Variants in UBXN11 observed in about 807,000 individuals in gnomAD.
The protein encoded by UBXN11 is UBX domain protein 11, also known as UBX domain-containing protein 11.
UBXN11 carries 47 observed loss-of-function variants against 62.8 expected under a neutral mutation model. The ratio of observed to expected loss-of-function variants is 0.75; its 90% CI spans 0.59 to 0.95. The LOEUF (loss-of-function observed/expected upper bound fraction) is 0.95. Ranked by LOEUF, UBXN11 falls within the 40% of genes least tolerant of loss-of-function variation. The pLI, the probability that UBXN11 is intolerant of heterozygous loss-of-function variation, is 0.00. For synonymous variants in UBXN11, 294 were observed against 267.0 expected, an observed-to-expected ratio of 1.10 and a Z score of -0.99; for missense variants, 638 against 661.7, an observed-to-expected ratio of 0.96 and a Z score of 0.39.
At chr1:26,311,420 A>G (rs547654721), upstream of UBXN11, among the ~76,000 whole-genome samples, 15 of 151,702 alleles carry the variant, frequency 9.9e-5, no homozygotes, top group South Asian at 2.7e-3. Context: ...GATTACAGGC[A>G]TGAGCCACCA....
chr1:26,292,967 T>C (rs2073307048), intron 8 of UBXN11, among the ~76,000 whole-genome samples: 1 of 152,154 alleles, frequency 6.6e-6, no homozygotes, highest in African/African-American at 2.4e-5. Context: ...AGCCCAGGCC[T>C]AAACAGGAGG....
intron 8 of UBXN11, among the ~76,000 whole-genome samples, chr1:26,293,995 C>T (rs1308560080): frequency 6.6e-6 from 1 of 152,070 alleles, no homozygotes; most frequent in African/African-American, 2.4e-5. Context: ...AGAGGTAGGA[C>T]CGTGGAGAAG....
intron 1 of UBXN11, among the ~76,000 whole-genome samples, chr1:26,315,193 T>G (rs1055707351): frequency 6.6e-6 from 1 of 152,054 alleles, no homozygotes; most frequent in Non-Finnish European, 1.5e-5. Context: ...GAGGTGAAAA[T>G]GAAGCTTCTG....
intron 12 of UBXN11, among the ~76,000 whole-genome samples, chr1:26,283,335 G>A (rs751424665): frequency 3.9e-5 from 6 of 152,192 alleles, no homozygotes; most frequent in Non-Finnish European, 8.8e-5. Context: ...AAAGATCCTG[G>A]GTTCAGGGAA....
chr1:26,296,268 A>G (rs1218727081), intron 7 of UBXN11, among the ~76,000 whole-genome samples: 1 of 152,226 alleles, frequency 6.6e-6, no homozygotes, highest in Non-Finnish European at 1.5e-5. Flanking sequence ...TCACAGCCAG[A>G]GGCAGCAAAT....
intron 5 of UBXN11, 41 bp from the exon 6 acceptor site, chr1:26,297,522 C>T (rs1278300283): frequency 1.3e-6 from 2 of 1,510,982 alleles, no homozygotes; most frequent in South Asian, 1.3e-5. Flanking sequence ...GCCTGTGGTT[C>T]CCAGAGCCCT....
chr1:26,294,381 C>G, intron 7 of UBXN11, 50 bp from the exon 8 acceptor site: 2 of 1,600,940 alleles, frequency 1.2e-6, no homozygotes, highest in Non-Finnish European at 1.7e-6. Flanking sequence ...CAGCCCCTTC[C>G]CAGGGAAAGG....
chr1:26,285,862 G>A lies in UBXN11; in HGVS notation c.735C>T (p.Phe245=), dbSNP rs959470628. 1.3e-5 allele frequency: 21 copies of A among 1,611,380 alleles called. No individual in the cohort carries two copies. Among genetic ancestry groups the A allele is most frequent in the South Asian group, 2.2e-5 (2 of 90,996 alleles). Reference sequence around the variant, plus strand: ...CGTAGAAGGGCTGGAAGGGCCCGTCGAACATCATGATGCCATTCCGGTAGA... The same window carrying A: ...CGTAGAAGGGCTGGAAGGGCCCGTCAAACATCATGATGCCATTCCGGTAGA... ...LKLYRNGIMM[F]DGPFQPFYDP... The change falls in exon 9 of 15, where the codon TTC becomes TTT. Residue 245 remains phenylalanine (F), a synonymous_variant. Transcript: ENST00000374222.
At chr1:26,302,760 T>C (rs764964298) in intron 2 of UBXN11, 53 bp downstream of exon 2, 4 of 1,580,090 alleles carry the variant, frequency 2.5e-6, no homozygotes, top group African/African-American at 1.3e-5. Flanking sequence ...CATGGAAGGA[T>C]AGAAGAGGAT....
At chr1:26,297,393 G>C (rs1240830419) in intron 6 of UBXN11, 34 bp downstream of exon 6, 3 of 1,505,774 alleles carry the variant, frequency 2.0e-6, no homozygotes, top group Non-Finnish European at 2.7e-6. Flanking sequence ...GTGCCTGACT[G>C]GGGGCGCAGG....
intron 4 of UBXN11, among the ~76,000 whole-genome samples, chr1:26,299,522 A>AC (rs2073477293): frequency 6.6e-6 from 1 of 151,022 alleles, no homozygotes; most frequent in South Asian, 2.1e-4. Flanking sequence ...AAAAAAAAAA[A>AC]AAACAAAAAA....
At chr1:26,300,787 G>T in intron 4 of UBXN11, 139 bp downstream of exon 4, 1 of 1,421,442 alleles carries the variant, frequency 7.0e-7, no homozygotes, top group Non-Finnish European at 9.4e-7. Context: ...CCAGGTCCCT[G>T]CCACAATCAG....
At chr1:26,298,760 G>C (rs2073456400) in intron 4 of UBXN11, among the ~76,000 whole-genome samples, 1 of 137,144 alleles carries the variant, frequency 7.3e-6, no homozygotes, top group Admixed American at 7.9e-5. Context: ...CTGGGTAACA[G>C]AGTGAGGGAC....
intron 5 of UBXN11, among the ~76,000 whole-genome samples, chr1:26,297,701 C>T (rs2073427535): frequency 6.6e-6 from 1 of 152,182 alleles, no homozygotes; most frequent in African/African-American, 2.4e-5. Context: ...TCTGAGGGTG[C>T]CGCGCTCTGC....
chr1:26,285,904 C>A lies in UBXN11; in HGVS notation c.693G>T (p.Glu231Asp). ...VPGGARLRTL[E>D]PIPLKLYRNG... is the part of the protein sequence containing the mutation. ...TCCGGTAGAGCTTCAGCGGGATGGG[C>A]TCGAGGGTACGCAGCCGTGCCCCGC... The change falls in exon 9 of 15, where the codon GAG becomes GAT. Residue 231 changes from glutamate (E) to aspartate (D), a missense_variant. Glu to Asp is a conservative substitution (Grantham distance 45). Transcript: ENST00000374222. The A allele has an allele frequency of 6.2e-7, 1 of 1,613,682 alleles. No homozygotes were observed. Among genetic ancestry groups the A allele is most frequent in the East Asian group, 2.2e-5 (1 of 44,856 alleles).
In UBXN11 at chr1:26,296,089, G is replaced by A. The variant is rs141311991; in HGVS notation, c.432+830C>T. 1.4e-4 allele frequency among the ~76,000 whole-genome samples: 22 copies of A among 152,382 alleles called. No homozygotes were observed. The East Asian group carries it at 3.5e-3, about 24-fold the overall frequency. On this transcript the variant is annotated intron_variant, in intron 7 of 14. Transcript: ENST00000374222. ...TTGGGACTTTGGAAACCAATTCTGC[G>A]TGGAGAGGGAGAGAGGCTGAATCCC...
At chr1:26,301,310 G>A (rs3821368) in intron 3 of UBXN11, among the ~76,000 whole-genome samples, 132,744 of 151,984 alleles carry the variant, frequency 0.87, 58,939 homozygotes, top group Non-Finnish European at 0.93. Flanking sequence ...GTGGCAATGT[G>A]TGGACAGGCC....
intron 10 of UBXN11, 190 bp downstream of exon 10, chr1:26,285,274 G>A (rs2073100706): frequency 5.8e-6 from 8 of 1,372,420 alleles, no homozygotes; most frequent in South Asian, 1.6e-5. Flanking sequence ...GGCGCTGCCT[G>A]CTGCTCTGTT....
chr1:26,282,602 A>T (rs72872912), intron 14 of UBXN11, 33 bp from the exon 15 acceptor site: 196,548 of 1,611,756 alleles, frequency 0.12, 13,301 homozygotes, highest in South Asian at 0.22. Flanking sequence ...CAGGCTGGGC[A>T]GTGGGACCAG....
Sources: gnomAD v4.1 joint callset for allele counts (sites outside exome capture counted in the v4.1 genomes callset) on GRCh38, gnomAD v4.1.1 for gene constraint, MANE v1.5 for transcripts, NCBI Gene and HGNC (gene_info 2026-07-23, HGNC 2026-07-21) for gene names.